RIN3: variants seen among roughly 807,000 people sequenced by gnomAD.
The protein encoded by RIN3 is RAB5 interacting protein 3.
RIN3 carries 54 observed loss-of-function variants against 76.3 expected under a neutral mutation model. The observed-to-expected ratio is 0.71, with a 90% CI of 0.57 to 0.89. RIN3 has a LOEUF of 0.89. Ranked by LOEUF, RIN3 falls within the 40% of genes least tolerant of loss-of-function variation. The probability of loss-of-function intolerance (pLI) is 0.00; values close to 1 mark genes in which losing one functional copy is unlikely to be tolerated. For missense variants in RIN3, 1,256 were observed against 1,322.1 expected (o/e 0.95, Z 0.78); for synonymous variants, 576 against 564.0 (o/e 1.02, Z -0.30).
intron 2 of RIN3, among the ~76,000 whole-genome samples, chr14:92,576,010 C>T (rs145892858): frequency 1.4e-4 from 21 of 152,254 alleles, no homozygotes; most frequent in South Asian, 2.1e-4. Context: ...GTTTTCCAAA[C>T]GCTAACCCAG....
intron 3 of RIN3, among the ~76,000 whole-genome samples, chr14:92,613,877 C>T (rs774432097): frequency 1.3e-5 from 2 of 152,224 alleles, no homozygotes; most frequent in Non-Finnish European, 2.9e-5. Flanking sequence ...AGCCAGAGAG[C>T]GCTCATGTGG....
chr14:92,534,146 C>G (rs1373240316), intron 1 of RIN3, among the ~76,000 whole-genome samples: 2 of 151,208 alleles, frequency 1.3e-5, no homozygotes, highest in East Asian at 3.9e-4. Context: ...AACCCCTCCA[C>G]AAAATGATTA....
At chr14:92,538,661 C>A (rs1005898497) in intron 1 of RIN3, among the ~76,000 whole-genome samples, 1 of 152,142 alleles carries the variant, frequency 6.6e-6, no homozygotes, top group Non-Finnish European at 1.5e-5. Context: ...CTACACTGTG[C>A]GGTCTTAGCC....
intron 3 of RIN3, among the ~76,000 whole-genome samples, chr14:92,608,941 G>C (rs377215952): frequency 1.3e-5 from 2 of 151,986 alleles, no homozygotes; most frequent in East Asian, 1.9e-4. Context: ...TGTTTACATG[G>C]ATAAGCTCTT....
At chr14:92,638,640 G>T (rs1595474438) in intron 4 of RIN3, among the ~76,000 whole-genome samples, 1 of 152,308 alleles carries the variant, frequency 6.6e-6, no homozygotes, top group East Asian at 1.9e-4. Context: ...GAGGCAACTT[G>T]GGATGAATGT....
intron 3 of RIN3, among the ~76,000 whole-genome samples, chr14:92,607,039 A>G (rs1301673131): frequency 6.6e-6 from 1 of 152,270 alleles, no homozygotes; most frequent in African/African-American, 2.4e-5. Context: ...ATATCCATAC[A>G]GTAAAATATT....
chr14:92,631,618 G>A (rs1225527897), intron 4 of RIN3, among the ~76,000 whole-genome samples: 3 of 151,548 alleles, frequency 2.0e-5, no homozygotes, highest in East Asian at 1.9e-4. Context: ...CGGCGGGAGT[G>A]GGGGTTGGAG....
chr14:92,622,510 A>G (rs1886217306), intron 4 of RIN3, among the ~76,000 whole-genome samples: 1 of 152,206 alleles, frequency 6.6e-6, no homozygotes, highest in Non-Finnish European at 1.5e-5. Context: ...CAGCAAGGCA[A>G]TTTACTTCTG....
At chr14:92,545,582 C>CT (rs11324822) in intron 1 of RIN3, among the ~76,000 whole-genome samples, 5,192 of 114,660 alleles carry the variant, frequency 0.045, 173 homozygotes, top group Non-Finnish European at 0.069. Context: ...TTTTCTTTTT[C>CT]TTTTTTTTTT....
chr14:92,673,106 C>T (rs1280539641), intron 7 of RIN3, among the ~76,000 whole-genome samples: 2 of 152,014 alleles, frequency 1.3e-5, no homozygotes, highest in Non-Finnish European at 2.9e-5. Context: ...CACGGCAAAA[C>T]CCTGTCTCTA....
chr14:92,666,986 C>A (rs1888127778), intron 7 of RIN3, among the ~76,000 whole-genome samples: 2 of 152,098 alleles, frequency 1.3e-5, no homozygotes, highest in Non-Finnish European at 2.9e-5. Context: ...ACGTGGGGGC[C>A]AACCGGGTGG....
intron 5 of RIN3, among the ~76,000 whole-genome samples, chr14:92,645,878 G>A (rs1283810697): frequency 3.3e-5 from 5 of 152,046 alleles, no homozygotes; most frequent in Admixed American, 2.6e-4. Context: ...CTTGAACTCG[G>A]GAAGTGGAGA....
intron 7 of RIN3, 33 bp downstream of exon 7, chr14:92,659,502 G>A (rs777448251): frequency 1.0e-5 from 16 of 1,557,536 alleles, no homozygotes; most frequent in Middle Eastern, 1.7e-4. Flanking sequence ...TCTGGGTGAG[G>A]AGCTCTCTTT....
chr14:92,667,348 C>G (rs181646266), intron 7 of RIN3, among the ~76,000 whole-genome samples: 2 of 152,226 alleles, frequency 1.3e-5, no homozygotes, highest in African/African-American at 2.4e-5. Flanking sequence ...GAAACTCCGT[C>G]TCTACCAAAA....
rs1566892204 is a variant in RIN3, at chr14:92,659,467, C to T, written c.2333C>T (p.Pro778Leu). Residue 778 changes from proline to leucine, a missense_variant and splice_region_variant, in exon 7 of 10, where the codon CCA (proline) becomes CTA (leucine). By Grantham distance (98) the Pro-to-Leu change is moderately conservative (BLOSUM62 -3). Transcript: ENST00000216487. ...TACGACTCCATGGCCCTCGGCAACCCAGGTCAGTGGGCAGCCGGGAGGGGT... is the reference window on the plus strand; with the variant it reads ...TACGACTCCATGGCCCTCGGCAACCTAGGTCAGTGGGCAGCCGGGAGGGGT... ...LIYDSMALGN[P>L]GKPYGADDFL... 3.1e-6 allele frequency: 5 copies of T among 1,598,104 alleles called. No individual in the cohort carries two copies. Among genetic ancestry groups the T allele is most frequent in the South Asian group, 1.1e-5 (1 of 88,318 alleles).
intron 2 of RIN3, among the ~76,000 whole-genome samples, chr14:92,576,848 C>G (rs1002631194): frequency 1.3e-5 from 2 of 152,022 alleles, no homozygotes; most frequent in African/African-American, 4.8e-5. Context: ...TTTATTTTTT[C>G]AGGGGAAAAA....
intron 2 of RIN3, chr14:92,576,162 C>A: frequency 8.5e-7 from 1 of 1,182,746 alleles, no homozygotes; most frequent in South Asian, 1.5e-5. Context: ...CCACAGGAGG[C>A]TGGGGAGATT....
chr14:92,680,036 T>C (rs1888608249), intron 8 of RIN3, among the ~76,000 whole-genome samples: 1 of 152,072 alleles, frequency 6.6e-6, no homozygotes, highest in Non-Finnish European at 1.5e-5. Flanking sequence ...CTGGATAACT[T>C]TGGAACCATG....
At position 92,568,661 on chromosome 14, in the gene RIN3, C is replaced by T. The variant is rs1188007174; in HGVS notation, c.250-8699C>T. ...CACCTGGGCAGGAAACGTCAGAGGA[C>T]TCCTGGAGCCATGCCAAACTCAGAG... is the stretch of plus-strand genomic sequence containing the variant. On this transcript the variant is annotated intron_variant, in intron 2 of 9. Transcript: ENST00000216487. The surrounding 1 kb of genome is among the most constrained non-coding windows in gnomAD (Gnocchi z 4.2). Among the ~76,000 whole-genome samples, 2 of 152,238 alleles carry T rather than the reference C, an allele frequency of 1.3e-5. No individual in the cohort carries two copies. The highest frequency in any genetic ancestry group is 2.9e-5 in the Non-Finnish European group (2 of 68,042).
Sources: gnomAD v4.1 joint callset for allele counts (sites outside exome capture counted in the v4.1 genomes callset) on GRCh38, gnomAD v4.1.1 for gene constraint, Gnocchi (gnomAD v3.1) non-coding constraint, MANE v1.5 for transcripts, NCBI Gene and HGNC (gene_info 2026-07-23, HGNC 2026-07-21) for gene names.